The following CYTH3 variants were observed in gnomAD, a reference collection of about 807,000 sequenced individuals.
The protein encoded by CYTH3 is cytohesin-3.
A neutral mutation model predicts 55.1 loss-of-function variants in CYTH3; 23 were observed. The ratio of observed to expected loss-of-function variants is 0.42; its 90% CI spans 0.30 to 0.59. CYTH3 has a LOEUF of 0.59. Among genes scored for constraint, CYTH3 ranks in the 20% least tolerant of loss-of-function variants. The pLI is 0.20. For missense variants in CYTH3, 413 were observed against 524.8 expected (o/e 0.79, Z 2.08); for synonymous variants, 249 against 194.9 (o/e 1.28, Z -2.31).
chr7:6,185,421 T>C (rs902141631), intron 4 of CYTH3, among the ~76,000 whole-genome samples: 33 of 150,444 alleles, frequency 2.2e-4, no homozygotes, highest in East Asian at 9.8e-4. Flanking sequence ...CTGGGCCGGG[T>C]GCACTGGGCT....
intron 5 of CYTH3, among the ~76,000 whole-genome samples, chr7:6,177,353 T>C (rs1783377728): frequency 6.6e-6 from 1 of 152,252 alleles, no homozygotes; most frequent in Admixed American, 6.5e-5. Context: ...TCAGCAGTCC[T>C]GCCCTAACCT....
intron 4 of CYTH3, among the ~76,000 whole-genome samples, chr7:6,181,908 G>C (rs1168248003): frequency 6.6e-6 from 1 of 152,028 alleles, no homozygotes; most frequent in East Asian, 1.9e-4. Flanking sequence ...CATTTCCAAG[G>C]TTCTTTTTCA....
Position 6,164,217 on chromosome 7 carries a change from G to C in CYTH3, c.*727C>G, listed in dbSNP as rs1964219. ...CCCCCCGGGGCTTGTCTGACAGCCT[G>C]ACAGGGCAGGGCTGCACGCTGCCCC... On this transcript the variant is annotated 3_prime_UTR_variant, in exon 13 of 13. Transcript: ENST00000350796. The C allele has an allele frequency of 0.06, 9,098 of 152,636 alleles. 688 individuals carry two copies. Among genetic ancestry groups the C allele is most frequent in the East Asian group, 0.39 (2,026 of 5,150 alleles). The allele number at this position is 152,636 out of a possible 1,614,324, so 9.5% of individuals were successfully genotyped here.
At chr7:6,244,020 T>C (rs1306128106) in intron 1 of CYTH3, among the ~76,000 whole-genome samples, 1 of 152,246 alleles carries the variant, frequency 6.6e-6, no homozygotes, top group African/African-American at 2.4e-5. Flanking sequence ...TTTATTAGAA[T>C]TCCTGTATTT....
intron 1 of CYTH3, among the ~76,000 whole-genome samples, chr7:6,256,371 A>G (rs1780105074): frequency 6.6e-6 from 1 of 152,262 alleles, no homozygotes; most frequent in Non-Finnish European, 1.5e-5. Context: ...TGAAAGGACT[A>G]GGATAGTGGA....
chr7:6,226,196 G>A (rs1231110660), intron 1 of CYTH3, among the ~76,000 whole-genome samples: 3 of 152,090 alleles, frequency 2.0e-5, no homozygotes, highest in Admixed American at 6.5e-5. Context: ...GCTCTGAGAG[G>A]TCTCCCTAAA....
intron 1 of CYTH3, among the ~76,000 whole-genome samples, chr7:6,195,488 T>A (rs1171650103): frequency 6.6e-6 from 1 of 152,170 alleles, no homozygotes; most frequent in Non-Finnish European, 1.5e-5. Flanking sequence ...GGCGTCTCAC[T>A]CTCTCACCCA....
At chr7:6,238,962 C>A (rs1416322450) in intron 1 of CYTH3, among the ~76,000 whole-genome samples, 3 of 150,518 alleles carry the variant, frequency 2.0e-5, no homozygotes, top group Non-Finnish European at 2.9e-5. Context: ...ACCTGTAATT[C>A]CAGCACTTTG....
At chr7:6,206,082 G>C (rs1459401090) in intron 1 of CYTH3, among the ~76,000 whole-genome samples, 1 of 152,014 alleles carries the variant, frequency 6.6e-6, no homozygotes, top group Admixed American at 6.6e-5. Context: ...AGTTAAAACA[G>C]TTTGCATTCC....
chr7:6,196,240 A>C (rs1783923812), intron 1 of CYTH3, among the ~76,000 whole-genome samples: 1 of 152,250 alleles, frequency 6.6e-6, no homozygotes, highest in African/African-American at 2.4e-5. Flanking sequence ...TGCGCACCAC[A>C]CTTAGCGTTG....
chr7:6,185,369 T>A (rs1299197247), intron 4 of CYTH3, among the ~76,000 whole-genome samples: 1 of 150,852 alleles, frequency 6.6e-6, no homozygotes. Flanking sequence ...GCAGATCACC[T>A]GAGGTCAGGA....
rs1783120797 is a variant in CYTH3 at position 6,169,848 on chromosome 7, G to T, written c.823+687C>A. On this transcript the variant is annotated intron_variant, in intron 9 of 12. Coordinates refer to ENST00000350796, the MANE Select transcript of CYTH3 (RefSeq NM_004227.4). The surrounding 1 kb of genome is among the most constrained non-coding windows in gnomAD (Gnocchi z 4.1). Reference sequence around the variant, plus strand: ...GCGGACCCCTAGAGACACAGGGTGGGGGGCAAGTTGGTTCCCACACAGCAT... The same window carrying T: ...GCGGACCCCTAGAGACACAGGGTGGTGGGCAAGTTGGTTCCCACACAGCAT... Among the ~76,000 whole-genome samples the T allele has an allele frequency of 6.6e-6, 1 of 152,078 alleles. No individual in the cohort carries two copies.
intron 1 of CYTH3, among the ~76,000 whole-genome samples, chr7:6,238,683 G>A (rs1257951733): frequency 6.6e-6 from 1 of 152,174 alleles, no homozygotes; most frequent in Non-Finnish European, 1.5e-5. Context: ...GAATCCTAAT[G>A]AAAACTCCAA....
intron 1 of CYTH3, among the ~76,000 whole-genome samples, chr7:6,197,805 T>C (rs745894317): frequency 6.6e-6 from 1 of 152,184 alleles, no homozygotes; most frequent in South Asian, 2.1e-4. Context: ...AAGTTTCACG[T>C]ATTTGGCCAG....
chr7:6,272,580 A>G lies in CYTH3; in HGVS notation c.-73T>C, dbSNP rs1780697127. On this transcript the variant is annotated 5_prime_UTR_variant, in exon 1 of 13. Coordinates refer to ENST00000350796, the MANE Select transcript of CYTH3 (RefSeq NM_004227.4). ...GGCCGCGGGCTGGGGACGCCGCCGG[A>G]GGGAGCGCGCAGGCGACCGGGCGGC... is the stretch of plus-strand genomic sequence containing the variant. 3.5e-6 allele frequency: 4 copies of G among 1,127,176 alleles called. No individual in the cohort carries two copies. 69.8% of individuals were successfully genotyped at this position (1,127,176 alleles called of 1,614,324 possible).
At position 6,164,952 on chromosome 7, in the gene CYTH3, T is replaced by A; in HGVS notation, c.1192A>T (p.Lys398Ter). The A allele has an allele frequency of 6.2e-7, 1 of 1,614,246 alleles. No individual in the cohort carries two copies. Among genetic ancestry groups the A allele is most frequent in the Non-Finnish European group, 8.5e-7 (1 of 1,180,046 alleles). ...LATRKRRIAN[K>*]K ...TCTTTTAGCCAGGAAAGCTATTTTT[T>A]ATTGGCAATCCTTCGTTTCCTCGTT... Residue 398 changes from lysine (K) to a stop codon, truncating the protein, a stop_gained, in exon 13 of 13, where the codon AAA becomes TAA. Coordinates refer to ENST00000350796, the MANE Select transcript of CYTH3 (RefSeq NM_004227.4). LOFTEE classifies it high-confidence loss of function.
At position 6,165,589 on chromosome 7, in the gene CYTH3, A is replaced by T; in HGVS notation, c.928T>A (p.Leu310Met). ...ACCTCCCTGATGCTGAGGTTTTCCAACGGGATGATTCCCCTGGGCTCCTTA... is the reference window on the plus strand; with the variant it reads ...ACCTCCCTGATGCTGAGGTTTTCCATCGGGATGATTCCCCTGGGCTCCTTA... ...TDKEPRGIIP[L>M]ENLSIREVED... The change falls in exon 11 of 13, where the codon TTG (leucine) becomes ATG (methionine). Residue 310 changes from leucine (L) to methionine (M), a missense_variant. By Grantham distance (15) the Leu-to-Met change is conservative (BLOSUM62 2). Transcript: ENST00000350796. 6.2e-7 allele frequency: 1 copy of T among 1,614,078 alleles called. No homozygotes were observed. The highest frequency in any genetic ancestry group is 2.2e-5 in the East Asian group (1 of 44,872).
At chr7:6,206,368 T>G (rs1784188540) in intron 1 of CYTH3, among the ~76,000 whole-genome samples, 2 of 152,220 alleles carry the variant, frequency 1.3e-5, no homozygotes, top group Non-Finnish European at 2.9e-5. Flanking sequence ...ATATTGTGAT[T>G]CCATTTACAG....
chr7:6,259,658 G>A (rs1422250072), intron 1 of CYTH3, among the ~76,000 whole-genome samples: 2 of 139,278 alleles, frequency 1.4e-5, no homozygotes, highest in Non-Finnish European at 3.0e-5. Flanking sequence ...TCAAAAACAG[G>A]ATGGAGAGTC....
Sources: allele counts gnomAD v4.1 joint callset (sites outside exome capture counted in the v4.1 genomes callset), GRCh38; gene constraint gnomAD v4.1.1; non-coding constraint Gnocchi (gnomAD v3.1); transcripts MANE v1.5; gene names NCBI Gene and HGNC (gene_info 2026-07-23, HGNC 2026-07-21).